The following HSD17B12 variants were observed in gnomAD, a reference collection of about 807,000 sequenced individuals.
HSD17B12 encodes hydroxysteroid 17-beta dehydrogenase 12.
A neutral mutation model predicts 39.3 loss-of-function variants in HSD17B12; 32 were observed. The ratio of observed to expected loss-of-function variants is 0.81; its 90% CI spans 0.61 to 1.09. The LOEUF is 1.09. HSD17B12 is among the 50% of genes least tolerant of loss of function. The pLI is 0.00. For missense variants in HSD17B12, 342 were observed against 382.9 expected (o/e 0.89, Z 0.89); for synonymous variants, 150 against 146.7 (o/e 1.02, Z -0.16).
At chr11:43,686,825 T>G (rs574760526) in intron 1 of HSD17B12, among the ~76,000 whole-genome samples, 76 of 152,340 alleles carry the variant, frequency 5.0e-4, no homozygotes, top group African/African-American at 1.8e-3. Context: ...TTAGTAGCAC[T>G]GTGCTCTGAT....
At chr11:43,802,473 C>T (rs1411637053) in intron 4 of HSD17B12, among the ~76,000 whole-genome samples, 2 of 152,128 alleles carry the variant, frequency 1.3e-5, no homozygotes, top group Non-Finnish European at 2.9e-5. Flanking sequence ...GCCACACTTT[C>T]AGTGCTTAGT....
chr11:43,583,352 C>T, the HSD17B12 span, among the ~76,000 whole-genome samples: 1 of 152,234 alleles, frequency 6.6e-6, no homozygotes, highest in Non-Finnish European at 1.5e-5. Flanking sequence ...CTCGCCTCGC[C>T]TCGCCTCGCC....
chr11:43,669,610 T>A, the HSD17B12 span, among the ~76,000 whole-genome samples: 1 of 152,186 alleles, frequency 6.6e-6, no homozygotes, highest in African/African-American at 2.4e-5. Flanking sequence ...TCCAGAAGCA[T>A]CCTTCCTTGC....
chr11:43,590,256 A>G, the HSD17B12 span, among the ~76,000 whole-genome samples: 6 of 150,448 alleles, frequency 4.0e-5, no homozygotes, highest in African/African-American at 1.5e-4. Flanking sequence ...AGCTGAATCA[A>G]TGATGACCGC....
At chr11:43,616,039 G>A in the HSD17B12 span, among the ~76,000 whole-genome samples, 1 of 152,098 alleles carries the variant, frequency 6.6e-6, no homozygotes, top group Non-Finnish European at 1.5e-5. Flanking sequence ...TGAAGAGAAG[G>A]GGGAAAAGAG....
the HSD17B12 span, among the ~76,000 whole-genome samples, chr11:43,661,539 A>T: frequency 2.0e-5 from 3 of 152,136 alleles, no homozygotes; most frequent in Admixed American, 1.3e-4. Context: ...TGAGCCGGGC[A>T]TAGTGGTTCA....
the HSD17B12 span, among the ~76,000 whole-genome samples, chr11:43,585,306 T>C: frequency 6.6e-6 from 1 of 152,310 alleles, no homozygotes; most frequent in East Asian, 1.9e-4. Flanking sequence ...GTGATTCTTA[T>C]TGGGGATTTC....
the HSD17B12 span, among the ~76,000 whole-genome samples, chr11:43,619,225 T>TG: frequency 0.059 from 2,356 of 40,048 alleles, 114 homozygotes; most frequent in African/African-American, 0.18. Flanking sequence ...AATATATATA[T>TG]ATGATATATA....
intron 1 of HSD17B12, among the ~76,000 whole-genome samples, chr11:43,724,595 A>G (rs1424394326): frequency 1.3e-5 from 2 of 152,142 alleles, no homozygotes; most frequent in Non-Finnish European, 2.9e-5. Context: ...TGGTTCACAG[A>G]TGGTACTTTC....
chr11:43,845,786 T>C (rs1951470040), intron 9 of HSD17B12, among the ~76,000 whole-genome samples: 1 of 152,208 alleles, frequency 6.6e-6, no homozygotes, highest in Non-Finnish European at 1.5e-5. Context: ...ATTACTATTA[T>C]TTCCCTTGCA....
chr11:43,850,683 C>G (rs981556695), intron 9 of HSD17B12, among the ~76,000 whole-genome samples: 7 of 152,212 alleles, frequency 4.6e-5, no homozygotes, highest in Non-Finnish European at 8.8e-5. Context: ...TGGCCATAAG[C>G]CTTCCTCTTC....
At chr11:43,581,853 A>C in the HSD17B12 span, among the ~76,000 whole-genome samples, 4 of 152,278 alleles carry the variant, frequency 2.6e-5, no homozygotes. The surrounding 1 kb of genome is among the most constrained non-coding windows in gnomAD (Gnocchi z 4.9). Flanking sequence ...TCTGAGCTTA[A>C]GGCCAAGTCA....
chr11:43,781,845 A>G (rs992223901), intron 3 of HSD17B12, among the ~76,000 whole-genome samples: 3 of 152,224 alleles, frequency 2.0e-5, no homozygotes, highest in African/African-American at 7.2e-5. Flanking sequence ...CTGTATATGT[A>G]CTTTATAGTT....
chr11:43,563,574 G>A, the HSD17B12 span, among the ~76,000 whole-genome samples: 152 of 152,300 alleles, frequency 1.0e-3, no homozygotes, highest in Admixed American at 3.0e-3. Context: ...TAGCACCTTG[G>A]GAGGCCAAGG....
chr11:43,805,975 A>G (rs1395261910), intron 4 of HSD17B12, among the ~76,000 whole-genome samples: 2 of 152,164 alleles, frequency 1.3e-5, no homozygotes. Context: ...TTTTATTATG[A>G]TGGATAAAAG....
At chr11:43,825,881 G>A (rs560091123) in intron 6 of HSD17B12, among the ~76,000 whole-genome samples, 2 of 152,116 alleles carry the variant, frequency 1.3e-5, no homozygotes, top group Non-Finnish European at 2.9e-5. Flanking sequence ...ATGAAGCTAG[G>A]TTATAGGATA....
the HSD17B12 span, among the ~76,000 whole-genome samples, chr11:43,619,508 G>A: frequency 6.6e-6 from 1 of 150,812 alleles, no homozygotes; most frequent in East Asian, 2.0e-4. Context: ...TCCTGCCTCA[G>A]CCTCCCGAGT....
the HSD17B12 span, among the ~76,000 whole-genome samples, chr11:43,660,966 A>T: frequency 6.6e-6 from 1 of 152,190 alleles, no homozygotes; most frequent in Non-Finnish European, 1.5e-5. Context: ...CTCTACTAAA[A>T]ATACAAAAAT....
At chr11:43,852,910 A>C (rs1951545622) in intron 9 of HSD17B12, 1 of 152,192 alleles carries the variant, frequency 6.6e-6, no homozygotes, top group Non-Finnish European at 1.5e-5. Flanking sequence ...GAAGATAGAG[A>C]GTGACAGCAC....
Sources: allele counts gnomAD v4.1 joint callset (sites outside exome capture counted in the v4.1 genomes callset), GRCh38; gene constraint gnomAD v4.1.1; non-coding constraint Gnocchi (gnomAD v3.1); transcripts MANE v1.5; gene names NCBI Gene and HGNC (gene_info 2026-07-23, HGNC 2026-07-21).